EMC7: variants seen among roughly 807,000 people sequenced by gnomAD.
The protein encoded by EMC7 is endoplasmic reticulum membrane protein complex subunit 7.
EMC7 carries 4 observed loss-of-function variants against 24.4 expected under a neutral mutation model. That is an observed-to-expected ratio of 0.16 (90% CI 0.08 to 0.38). EMC7 has a LOEUF of 0.38. Ranked by LOEUF, EMC7 falls within the 10% of genes least tolerant of loss-of-function variation. The pLI, the probability that EMC7 is intolerant of heterozygous loss-of-function variation, is 1.00. For missense variants in EMC7, 221 were observed against 300.6 expected, an observed-to-expected ratio of 0.74 and a Z score of 1.96; for synonymous variants, 106 against 112.0, an observed-to-expected ratio of 0.95 and a Z score of 0.34.
intron 2 of EMC7, among the ~76,000 whole-genome samples, chr15:34,093,057 C>G (rs1901003649): frequency 6.6e-6 from 1 of 151,974 alleles, no homozygotes; most frequent in African/African-American, 2.4e-5. Context: ...AAATTCTGTA[C>G]TAAGCATAAA....
At position 34,090,419 on chromosome 15, in the gene EMC7, A is replaced by C. The variant is rs774940926; in HGVS notation, c.393T>G (p.Val131=). The change falls in exon 3 of 5, where the codon GTT becomes GTG. Residue 131 remains valine, a synonymous_variant. Transcript: ENST00000256545. ...TTTGGAGAGGATAGGGCAGTCTGAC[A>C]ACCTCTGATGTTTTGATGTAATTCA... The part of the protein sequence containing the change: ...RYVNYIKTSE[V]VRLPYPLQMK... 6.8e-6 allele frequency: 11 copies of C among 1,613,984 alleles called. No homozygotes were observed. The highest frequency in any genetic ancestry group is 2.2e-5 in the East Asian group (1 of 44,862).
intron 4 of EMC7, among the ~76,000 whole-genome samples, chr15:34,086,868 A>G (rs974342076): frequency 2.0e-5 from 3 of 152,268 alleles, no homozygotes; most frequent in Admixed American, 2.0e-4. Context: ...ACATTCACCA[A>G]TAAAACATTT....
intron 2 of EMC7, among the ~76,000 whole-genome samples, chr15:34,093,167 CA>C (rs1438126243): frequency 6.6e-6 from 1 of 152,164 alleles, no homozygotes; most frequent in African/African-American, 2.4e-5. Flanking sequence ...GGGCTGGGCA[CA>C]GTGGCTCACA....
intron 4 of EMC7, chr15:34,086,146 TG>T: frequency 5.0e-6 from 2 of 402,528 alleles, no homozygotes; most frequent in Middle Eastern, 8.8e-4. Context: ...TAACCAATGT[TG>T]GGGATCAAGA....
intron 4 of EMC7, 148 bp downstream of exon 4, chr15:34,087,905 C>T (rs1900913559): frequency 3.0e-6 from 2 of 666,704 alleles, no homozygotes; most frequent in Non-Finnish European, 5.2e-6. Context: ...CCTATAATCC[C>T]AGTGCTTTGG....
intron 4 of EMC7, among the ~76,000 whole-genome samples, chr15:34,085,618 A>G (rs941122018): frequency 7.9e-5 from 12 of 151,950 alleles, no homozygotes; most frequent in African/African-American, 2.9e-4. Flanking sequence ...CTGTTGGGAT[A>G]TTAGCTTGAG....
chr15:34,087,926 C>T (rs1900913842), intron 4 of EMC7, 127 bp downstream of exon 4: 3 of 748,752 alleles, frequency 4.0e-6, no homozygotes, highest in Non-Finnish European at 2.2e-6. Flanking sequence ...GAGGCTGAGG[C>T]AGGTGGATAG....
At chr15:34,093,806 C>CACACACACATATATATAT (rs61440619) in intron 2 of EMC7, among the ~76,000 whole-genome samples, 2 of 30,252 alleles carry the variant, frequency 6.6e-5, no homozygotes, top group Admixed American at 4.3e-4. Flanking sequence ...CACACACACA[C>CACACACACATATATATAT]ATATATATAT....
At chr15:34,099,778 T>C (rs1901146533) in intron 1 of EMC7, among the ~76,000 whole-genome samples, 2 of 152,014 alleles carry the variant, frequency 1.3e-5, no homozygotes, top group Non-Finnish European at 2.9e-5. Flanking sequence ...GCTAATTATT[T>C]ATTTTTTGTA....
In EMC7 at chr15:34,094,452, T is replaced by C. The variant is rs146454192; in HGVS notation, c.356+1443A>G. ...TAGGAGGCTGAGGCAGAAGAATTGCTTGAACCCAGGAGGCAGAGGTTGCAG... is the reference window on the plus strand; with the variant it reads ...TAGGAGGCTGAGGCAGAAGAATTGCCTGAACCCAGGAGGCAGAGGTTGCAG... On this transcript the variant is annotated intron_variant, in intron 2 of 4. Transcript: ENST00000256545. Among the ~76,000 whole-genome samples, 891 of 152,198 alleles carry C rather than the reference T, an allele frequency of 5.9e-3. 13 individuals are homozygous for C. The highest frequency in any genetic ancestry group is 0.02 in the African/African-American group (848 of 41,510).
At chr15:34,088,839 T>A (rs1683646682) in intron 3 of EMC7, among the ~76,000 whole-genome samples, 1 of 152,116 alleles carries the variant, frequency 6.6e-6, no homozygotes, top group Non-Finnish European at 1.5e-5. Flanking sequence ...TGACCAAAAC[T>A]TAGATAAATT....
At chr15:34,085,883 CAAAT>C (rs1429408411) in intron 4 of EMC7, 3 of 116,346 alleles carry the variant, frequency 2.6e-5, no homozygotes, top group Non-Finnish European at 5.0e-5. Context: ...TATTTAAACA[CAAAT>C]AAAACATGCA....
Position 34,101,803 on chromosome 15 carries a change from G to A in EMC7, c.37C>T (p.Leu13=). The change falls in exon 1 of 5, where the codon CTG becomes TTG. Residue 13 remains leucine, a synonymous_variant. Coordinates refer to ENST00000256545, the MANE Select transcript of EMC7 (RefSeq NM_020154.3). The part of the protein sequence containing the change: ...AALWGFFPVL[L]LLLLSGDVQS... ...ACATCCCCCGATAGCAGCAGCAGCAGCAGGACGGGAAAGAAGCCCCACAGA... is the reference window on the plus strand; with the variant it reads ...ACATCCCCCGATAGCAGCAGCAGCAACAGGACGGGAAAGAAGCCCCACAGA... 1 of 1,611,878 alleles carries A rather than the reference G, an allele frequency of 6.2e-7. No individual in the cohort carries two copies.
chr15:34,089,000 G>A (rs1010748703), intron 3 of EMC7, among the ~76,000 whole-genome samples: 15 of 152,022 alleles, frequency 9.9e-5, no homozygotes, highest in Admixed American at 7.2e-4. Flanking sequence ...GGGATTACAG[G>A]TCCCCGCCAC....
At chr15:34,089,486 G>A (rs545196726) in intron 3 of EMC7, among the ~76,000 whole-genome samples, 2 of 152,150 alleles carry the variant, frequency 1.3e-5, no homozygotes, top group African/African-American at 2.4e-5. Flanking sequence ...CATGCTATTA[G>A]TGTTTTATTA....
intron 1 of EMC7, chr15:34,100,880 C>A (rs1901162127): frequency 6.6e-6 from 1 of 151,880 alleles, no homozygotes; most frequent in Non-Finnish European, 1.5e-5. Context: ...CTAACAAATT[C>A]ATCCTGTCTT....
chr15:34,088,429 A>G (rs1900924474), intron 3 of EMC7, among the ~76,000 whole-genome samples: 1 of 149,126 alleles, frequency 6.7e-6, no homozygotes, highest in African/African-American at 2.5e-5. Flanking sequence ...TTACAGTGTT[A>G]TTTAACACAA....
At chr15:34,092,045 C>T (rs958448891) in intron 2 of EMC7, among the ~76,000 whole-genome samples, 1 of 152,076 alleles carries the variant, frequency 6.6e-6, no homozygotes, top group African/African-American at 2.4e-5. Flanking sequence ...GTGGGTGGAT[C>T]ATTTGAGGTC....
chr15:34,099,832 TG>T (rs35278676), intron 1 of EMC7, among the ~76,000 whole-genome samples: 14,211 of 152,140 alleles, frequency 0.093, 889 homozygotes, highest in East Asian at 0.31. Context: ...CTGAAACTCC[TG>T]GGCTCAAGCG....
Sources: gnomAD v4.1 joint callset for allele counts (sites outside exome capture counted in the v4.1 genomes callset) on GRCh38, gnomAD v4.1.1 for gene constraint, MANE v1.5 for transcripts, NCBI Gene and HGNC (gene_info 2026-07-23, HGNC 2026-07-21) for gene names.